Variants in CFAP61 observed in about 807,000 individuals in gnomAD.
CFAP61 encodes cilia and flagella associated protein 61, also known as cilia- and flagella-associated protein 61.
Under a neutral mutation model 135.6 loss-of-function variants are expected in CFAP61, and 107 were observed. The ratio of observed to expected loss-of-function variants is 0.79; its 90% CI spans 0.67 to 0.93. The LOEUF is 0.93. CFAP61 is among the 40% of genes least tolerant of loss of function. The pLI is 0.00. For synonymous variants in CFAP61, 575 were observed against 578.5 expected (o/e 0.99, Z 0.09); for missense variants, 1,507 against 1,556.2 (o/e 0.97, Z 0.53).
At chr20:20,251,146 G>A (rs571679444) in intron 19 of CFAP61, among the ~76,000 whole-genome samples, 17 of 152,270 alleles carry the variant, frequency 1.1e-4, no homozygotes, top group Admixed American at 1.0e-3. Flanking sequence ...AAGGGTTCTC[G>A]GTATTCAAAG....
chr20:20,137,217 A>G (rs2050999580), intron 8 of CFAP61, among the ~76,000 whole-genome samples: 1 of 152,214 alleles, frequency 6.6e-6, no homozygotes, highest in South Asian at 2.1e-4. Flanking sequence ...TTAAGGCAGC[A>G]CAGCCATGGG....
At chr20:20,154,097 A>C (rs1432729362) in intron 9 of CFAP61, among the ~76,000 whole-genome samples, 1 of 152,104 alleles carries the variant, frequency 6.6e-6, no homozygotes, top group East Asian at 1.9e-4. Context: ...CAGATTTAAA[A>C]ACAAAAATCA....
chr20:20,355,014 CAA>C (rs2059017452), intron 26 of CFAP61, among the ~76,000 whole-genome samples: 1 of 26,188 alleles, frequency 3.8e-5, no homozygotes, highest in Non-Finnish European at 7.7e-5. Flanking sequence ...GGTCACACTG[CAA>C]GAGGGGAGGT....
chr20:20,212,071 T>C (rs1055126512), intron 17 of CFAP61, among the ~76,000 whole-genome samples: 4 of 152,230 alleles, frequency 2.6e-5, no homozygotes, highest in Non-Finnish European at 5.9e-5. Context: ...TTTGATTTGT[T>C]TGCAGACAAC....
At chr20:20,349,335 T>C (rs1054901216) in intron 26 of CFAP61, among the ~76,000 whole-genome samples, 1 of 152,178 alleles carries the variant, frequency 6.6e-6, no homozygotes, top group African/African-American at 2.4e-5. Context: ...CCAGTCATGA[T>C]GGAAGGTGAA....
intron 6 of CFAP61, among the ~76,000 whole-genome samples, chr20:20,083,582 C>T (rs1278106795): frequency 6.6e-6 from 1 of 152,198 alleles, no homozygotes. Context: ...TTAAGGCAAT[C>T]ATTTTAATGA....
At chr20:20,350,354 C>T (rs1162594496) in intron 26 of CFAP61, among the ~76,000 whole-genome samples, 2 of 152,216 alleles carry the variant, frequency 1.3e-5, no homozygotes, top group Non-Finnish European at 2.9e-5. Flanking sequence ...TGAGGCCAGA[C>T]GTGGTGGTTC....
At chr20:20,349,958 G>T (rs2058771722) in intron 26 of CFAP61, among the ~76,000 whole-genome samples, 1 of 152,178 alleles carries the variant, frequency 6.6e-6, no homozygotes. Context: ...AAAGAACAGA[G>T]TTGAAGAACT....
At chr20:20,135,428 G>T (rs1441271751) in intron 8 of CFAP61, among the ~76,000 whole-genome samples, 1 of 152,170 alleles carries the variant, frequency 6.6e-6, no homozygotes, top group Non-Finnish European at 1.5e-5. Flanking sequence ...ACAAAAACAT[G>T]TCAAGAAATA....
At chr20:20,144,400 A>G (rs1415666443) in intron 9 of CFAP61, among the ~76,000 whole-genome samples, 1 of 98,000 alleles carries the variant, frequency 1.0e-5, no homozygotes, top group East Asian at 2.1e-4. Flanking sequence ...AAACTTCTAG[A>G]GATTAAAAAC....
chr20:20,074,049 C>T (rs138605606), intron 3 of CFAP61: 67 of 493,808 alleles, frequency 1.4e-4, no homozygotes, highest in Non-Finnish European at 2.0e-4. Flanking sequence ...GGAGGAAGGG[C>T]GGGTGCTCTG....
intron 13 of CFAP61, among the ~76,000 whole-genome samples, chr20:20,175,628 G>A (rs953716676): frequency 1.3e-5 from 2 of 152,030 alleles, no homozygotes; most frequent in East Asian, 1.9e-4. Context: ...CAGGTTTCAC[G>A]CCATTCTCCT....
intron 8 of CFAP61, among the ~76,000 whole-genome samples, chr20:20,125,663 T>C (rs995309193): frequency 1.3e-5 from 2 of 151,862 alleles, no homozygotes; most frequent in African/African-American, 4.9e-5. Context: ...GAAAGGTCCA[T>C]GTGCTATTGA....
chr20:20,306,338 G>C (rs1193309290), intron 25 of CFAP61, among the ~76,000 whole-genome samples: 1 of 152,160 alleles, frequency 6.6e-6, no homozygotes, highest in African/African-American at 2.4e-5. Flanking sequence ...CATTTACCAT[G>C]AAAATATCAC....
At chr20:20,284,989 A>G (rs1032575123) in intron 22 of CFAP61, among the ~76,000 whole-genome samples, 8 of 152,214 alleles carry the variant, frequency 5.3e-5, no homozygotes, top group African/African-American at 1.9e-4. Flanking sequence ...CTAAAAAGTA[A>G]TTCTTTAGTT....
chr20:20,136,095 G>A (rs2050898665), intron 8 of CFAP61, among the ~76,000 whole-genome samples: 1 of 152,090 alleles, frequency 6.6e-6, no homozygotes, highest in Admixed American at 6.6e-5. Flanking sequence ...TGAAAAGTCT[G>A]CTGCCAGACG....
chr20:20,123,982 T>G (rs543423629), intron 8 of CFAP61, among the ~76,000 whole-genome samples: 1 of 147,914 alleles, frequency 6.8e-6, no homozygotes, highest in South Asian at 2.1e-4. Flanking sequence ...TTTTTTTTTT[T>G]TTTTTTTTTT....
chr20:20,146,244 A>G (rs1228381316), intron 9 of CFAP61, among the ~76,000 whole-genome samples: 3 of 152,224 alleles, frequency 2.0e-5, no homozygotes, highest in Non-Finnish European at 4.4e-5. Context: ...ACTGGGTAAC[A>G]CCCTACAACT....
intron 25 of CFAP61, among the ~76,000 whole-genome samples, chr20:20,335,894 T>C (rs1943491574): frequency 2.0e-5 from 3 of 152,234 alleles, no homozygotes; most frequent in African/African-American, 7.2e-5. Flanking sequence ...GTTCAGAGCA[T>C]GGGTTACACA....
Sources: gnomAD v4.1 joint callset for allele counts (sites outside exome capture counted in the v4.1 genomes callset) on GRCh38, gnomAD v4.1.1 for gene constraint, MANE v1.5 for transcripts, NCBI Gene and HGNC (gene_info 2026-07-23, HGNC 2026-07-21) for gene names.